Variants in DPP4 observed in about 807,000 individuals in gnomAD.
The protein encoded by DPP4 is ADCP-2.
A neutral mutation model predicts 122.4 loss-of-function variants in DPP4; 93 were observed. That is an observed-to-expected ratio of 0.76 (90% CI 0.64 to 0.90). DPP4 has a LOEUF of 0.90. DPP4 is among the 40% of genes least tolerant of loss of function. The pLI is 0.00. For missense variants in DPP4, 914 were observed against 907.3 expected, an observed-to-expected ratio of 1.01 and a Z score of -0.09; for synonymous variants, 321 against 302.9, an observed-to-expected ratio of 1.06 and a Z score of -0.62.
rs1426526550 is a variant in DPP4, at chr2:162,039,155, A to G, written c.396T>C (p.Tyr132=). The G allele has an allele frequency of 6.2e-7, 1 of 1,613,006 alleles. No individual in the cohort carries two copies. Among genetic ancestry groups the G allele is most frequent in the East Asian group, 2.2e-5 (1 of 44,840 alleles). Residue 132 remains tyrosine, a synonymous_variant, in exon 6 of 26, where the codon TAT becomes TAC. Transcript: ENST00000360534. ...ACCTTTTATTTAAATCATAAATGTCATATGAAGCTGTGTAGGAATGCCTCC... is the reference window on the plus strand; with the variant it reads ...ACCTTTTATTTAAATCATAAATGTCGTATGAAGCTGTGTAGGAATGCCTCC... ...KQWRHSYTAS[Y]DIYDLNKRQL... is the part of the protein sequence containing the mutation.
At chr2:162,064,412 G>C (rs968632881) in intron 2 of DPP4, among the ~76,000 whole-genome samples, 1 of 152,116 alleles carries the variant, frequency 6.6e-6, no homozygotes, top group Admixed American at 6.5e-5. Flanking sequence ...TTTTGCCCAT[G>C]TTAGATTAAA....
intron 5 of DPP4, among the ~76,000 whole-genome samples, chr2:162,040,515 T>C (rs1262925343): frequency 6.6e-6 from 1 of 151,910 alleles, no homozygotes; most frequent in Non-Finnish European, 1.5e-5. Flanking sequence ...GGTAAAACTA[T>C]GGAGAGAGTA....
At position 162,019,266 on chromosome 2, in the gene DPP4, T is replaced by C. The variant is rs1175731461; in HGVS notation, c.1255A>G (p.Ser419Gly). 3 of 1,556,960 alleles carry C rather than the reference T, an allele frequency of 1.9e-6. No homozygotes were observed. Among genetic ancestry groups the C allele is most frequent in the Non-Finnish European group, 1.8e-6 (2 of 1,133,882 alleles). The change falls in exon 15 of 26, where the codon AGT becomes GGT. Residue 419 changes from serine to glycine, a missense_variant. Ser to Gly is a moderately conservative substitution (Grantham distance 56). Coordinates refer to ENST00000360534, the MANE Select transcript of DPP4 (RefSeq NM_001935.4). Reference sequence around the variant, plus strand: ...CCTGGCATTCCTTTATATTCATTACTAATGTAGTATCTAGGAAGAGAAAAA... The same window carrying C: ...CCTGGCATTCCTTTATATTCATTACCAATGTAGTATCTAGGAAGAGAAAAA... The part of the protein sequence containing the change: ...ALTSDYLYYI[S>G]NEYKGMPGGR...
At chr2:162,041,900 A>C (rs1482653558) in intron 5 of DPP4, among the ~76,000 whole-genome samples, 1 of 152,202 alleles carries the variant, frequency 6.6e-6, no homozygotes, top group Non-Finnish European at 1.5e-5. Flanking sequence ...GCAATAGTAA[A>C]TGACAATAAA....
chr2:162,018,392 G>A (rs1443337946), intron 16 of DPP4, among the ~76,000 whole-genome samples: 1 of 152,134 alleles, frequency 6.6e-6, no homozygotes, highest in Non-Finnish European at 1.5e-5. Context: ...TGGGTGACAC[G>A]CACCAGCCAC....
chr2:161,997,297 C>G (rs1330063951), intron 23 of DPP4, among the ~76,000 whole-genome samples: 1 of 152,150 alleles, frequency 6.6e-6, no homozygotes, highest in Non-Finnish European at 1.5e-5. Flanking sequence ...ATAAATACAT[C>G]TAAATATAAA....
intron 24 of DPP4, 124 bp downstream of exon 24, chr2:161,995,176 G>A: frequency 7.7e-7 from 1 of 1,303,294 alleles, no homozygotes. Flanking sequence ...CAAGTGACTT[G>A]TGGAAAGCAA....
intron 10 of DPP4, among the ~76,000 whole-genome samples, chr2:162,031,451 C>T (rs1021702297): frequency 2.7e-4 from 41 of 152,178 alleles, no homozygotes; most frequent in Non-Finnish European, 5.9e-5. Flanking sequence ...GTTCTAAAGC[C>T]CCTTTCCGAT....
At chr2:162,054,074 C>A (rs1224843574) in intron 2 of DPP4, among the ~76,000 whole-genome samples, 2 of 152,162 alleles carry the variant, frequency 1.3e-5, no homozygotes, top group Admixed American at 1.3e-4. Context: ...CCAACCCCCA[C>A]CCTAGCATGT....
chr2:162,010,414 T>C (rs1682648394), intron 20 of DPP4, among the ~76,000 whole-genome samples: 1 of 152,244 alleles, frequency 6.6e-6, no homozygotes, highest in South Asian at 2.1e-4. Context: ...TCTTGCAGGA[T>C]GTACACTTTT....
intron 2 of DPP4, among the ~76,000 whole-genome samples, chr2:162,059,031 T>G (rs1684669576): frequency 6.6e-6 from 1 of 152,240 alleles, no homozygotes; most frequent in Non-Finnish European, 1.5e-5. Flanking sequence ...GCAGAATATG[T>G]ATGTCTCAGT....
chr2:162,068,214 T>A (rs1296691194), intron 2 of DPP4, among the ~76,000 whole-genome samples: 1 of 152,144 alleles, frequency 6.6e-6, no homozygotes, highest in Non-Finnish European at 1.5e-5. Flanking sequence ...AGTAGGCTCT[T>A]CCTCAGGATA....
chr2:162,022,146 A>T (rs1189946880), intron 12 of DPP4, among the ~76,000 whole-genome samples: 1 of 152,196 alleles, frequency 6.6e-6, no homozygotes, highest in Non-Finnish European at 1.5e-5. Context: ...TTCTATGGCC[A>T]TAGCAATCTG....
At chr2:162,038,266 A>G (rs1683854721) in intron 8 of DPP4, 36 bp downstream of exon 8, 7 of 1,501,458 alleles carry the variant, frequency 4.7e-6, no homozygotes, top group Non-Finnish European at 6.2e-6. Context: ...AAAAGCTTAT[A>G]GATTTTCTGA....
rs535194685 is a variant in DPP4, at chr2:162,027,038, T to G, written c.888-2099A>C. Among the ~76,000 whole-genome samples the G allele has an allele frequency of 7.2e-5, 11 of 152,234 alleles. No individual in the cohort carries two copies. The South Asian group carries it at 2.3e-3, about 32-fold the overall frequency. On this transcript the variant is annotated intron_variant, in intron 10 of 25. Coordinates refer to ENST00000360534, the MANE Select transcript of DPP4 (RefSeq NM_001935.4). ...TAATATTCCACTGAAAAGCTAAAAT[T>G]TGAATTTCATTAAACTTTCATGTAT... is the stretch of plus-strand genomic sequence containing the variant.
chr2:161,994,969 G>A lies in DPP4; in HGVS notation c.2191C>T (p.Gln731Ter). 1 of 1,614,018 alleles carries A rather than the reference G, an allele frequency of 6.2e-7. No homozygotes were observed. Among genetic ancestry groups the A allele is most frequent in the Non-Finnish European group, 8.5e-7 (1 of 1,179,950 alleles). ...KALVDVGVDFQAMWYTDEDHG... is the reference protein window; with the variant it reads ...KALVDVGVDF ...ACAAAGTTTTTCTATACCATTGCCT[G>A]GAAATCCACTCCAACATCGACCAGG... The change falls in exon 25 of 26, where the codon CAG becomes TAG. Residue 731 changes from glutamine (Q) to a stop codon, truncating the protein, a stop_gained. Transcript: ENST00000360534. LOFTEE classifies it high-confidence loss of function.
chr2:162,019,176 T>C (rs17848923), intron 15 of DPP4, 47 bp downstream of exon 15: 2 of 1,492,130 alleles, frequency 1.3e-6, no homozygotes, highest in East Asian at 2.3e-5. Context: ...TCAGAAATTG[T>C]TCGTCAGCTA....
At chr2:162,033,794 C>A (rs1576053485) in intron 9 of DPP4, 141 bp from the exon 10 acceptor site, 2 of 501,750 alleles carry the variant, frequency 4.0e-6, no homozygotes, top group Middle Eastern at 1.1e-3. Flanking sequence ...ATTTAATATA[C>A]ATAAAATGAA....
rs535179639 is a variant in DPP4 at position 162,053,906 on chromosome 2, G to A, written c.95-6405C>T. On this transcript the variant is annotated intron_variant, in intron 2 of 25. Transcript: ENST00000360534. Reference sequence around the variant, plus strand: ...ATGCTTAATGGAACTGCGGGGCAAGGCTACCCTTGAGGCCCCACAACTGTA... The same window carrying A: ...ATGCTTAATGGAACTGCGGGGCAAGACTACCCTTGAGGCCCCACAACTGTA... Among the ~76,000 whole-genome samples the A allele has an allele frequency of 5.3e-5, 8 of 152,264 alleles. No individual in the cohort carries two copies. In the East Asian group the frequency reaches 1.5e-3, roughly 29 times the overall value.
Sources: allele counts gnomAD v4.1 joint callset (sites outside exome capture counted in the v4.1 genomes callset), GRCh38; gene constraint gnomAD v4.1.1; transcripts MANE v1.5; gene names NCBI Gene and HGNC (gene_info 2026-07-23, HGNC 2026-07-21).